PTPRN2: variants seen among roughly 807,000 people sequenced by gnomAD.
PTPRN2 encodes the protein receptor-type tyrosine-protein phosphatase N2.
PTPRN2 carries 74 observed loss-of-function variants against 118.8 expected under a neutral mutation model. That is an observed-to-expected ratio of 0.62 (90% CI 0.52 to 0.76). PTPRN2 has a LOEUF of 0.76. PTPRN2 is among the 30% of genes least tolerant of loss of function. The pLI, the probability that PTPRN2 is intolerant of heterozygous loss-of-function variation, is 0.00. For missense variants in PTPRN2, 1,481 were observed against 1,394.4 expected (o/e 1.06, Z -0.99); for synonymous variants, 641 against 608.0 (o/e 1.05, Z -0.80).
At chr7:158,098,919 G>C (rs2150340112) in intron 10 of PTPRN2, among the ~76,000 whole-genome samples, 1 of 151,930 alleles carries the variant, frequency 6.6e-6, no homozygotes, top group East Asian at 1.9e-4. Context: ...GGTCCTTGAG[G>C]GGAGCCGGGC....
At chr7:157,971,284 T>G (rs1802311018) in intron 11 of PTPRN2, among the ~76,000 whole-genome samples, 2 of 152,212 alleles carry the variant, frequency 1.3e-5, no homozygotes, top group Admixed American at 1.3e-4. Flanking sequence ...ATTTTTTTCT[T>G]ATCCATCACG....
At chr7:158,040,369 A>G (rs1808364930) in intron 11 of PTPRN2, among the ~76,000 whole-genome samples, 2 of 151,540 alleles carry the variant, frequency 1.3e-5, no homozygotes, top group African/African-American at 2.4e-5. Context: ...ACATGCACAC[A>G]CACACGTGCA....
chr7:158,042,993 C>T (rs1303908509), intron 11 of PTPRN2, among the ~76,000 whole-genome samples: 1 of 152,094 alleles, frequency 6.6e-6, no homozygotes, highest in Non-Finnish European at 1.5e-5. Context: ...CAGTGTGCAA[C>T]GCATCTGCCA....
rs910315247 is a variant in PTPRN2, at chr7:158,456,885, C to T, written c.163+32850G>A. 4.6e-4 allele frequency among the ~76,000 whole-genome samples: 70 copies of T among 152,150 alleles called. 2 individuals carry two copies. The highest frequency in any genetic ancestry group is 2.2e-4 in the Non-Finnish European group (15 of 68,030). ...CACCTCCTGGGCTCAATGATTCCCC[C>T]GCCTCCATCTCCCACAGCACCAGGA... On this transcript the variant is annotated intron_variant, in intron 2 of 22. Coordinates refer to ENST00000389418, the MANE Select transcript of PTPRN2 (RefSeq NM_002847.5).
At chr7:158,168,945 G>C (rs12698162) in intron 5 of PTPRN2, among the ~76,000 whole-genome samples, 8,157 of 152,244 alleles carry the variant, frequency 0.054, 316 homozygotes, top group Middle Eastern at 0.13. Context: ...TTCGAATCCT[G>C]GACACACAAG....
chr7:157,759,271 A>C (rs1284887789), intron 12 of PTPRN2, among the ~76,000 whole-genome samples: 4 of 152,192 alleles, frequency 2.6e-5, no homozygotes, highest in Non-Finnish European at 5.9e-5. Flanking sequence ...TCAATGCAGC[A>C]CCGTGTCCAC....
intron 11 of PTPRN2, among the ~76,000 whole-genome samples, chr7:158,040,568 A>C (rs907899069): frequency 1.3e-5 from 2 of 152,244 alleles, no homozygotes; most frequent in Non-Finnish European, 2.9e-5. Flanking sequence ...GGAAGAAGCG[A>C]GTAGAGAATG....
chr7:158,265,034 C>G (rs1797779730), intron 3 of PTPRN2, among the ~76,000 whole-genome samples: 1 of 152,168 alleles, frequency 6.6e-6, no homozygotes, highest in African/African-American at 2.4e-5. Context: ...CCCCACAGCC[C>G]CCAAGCCTGG....
intron 2 of PTPRN2, among the ~76,000 whole-genome samples, chr7:158,359,109 T>G (rs1397544802): frequency 6.6e-6 from 1 of 152,166 alleles, no homozygotes; most frequent in Non-Finnish European, 1.5e-5. Context: ...GCAGGCAGCA[T>G]CTGGGAGGCC....
intron 12 of PTPRN2, among the ~76,000 whole-genome samples, chr7:157,786,110 C>T (rs59430637): frequency 0.017 from 2,642 of 152,248 alleles, 77 homozygotes; most frequent in South Asian, 0.12. Context: ...GCTGGCTGAG[C>T]GCTTTTGCTG....
In PTPRN2 at chr7:158,005,862, A is replaced by G. The variant is rs371406566; in HGVS notation, c.1723+75436T>C. On this transcript the variant is annotated intron_variant, in intron 11 of 22. Transcript: ENST00000389418. ...CTGCGTCTAAAATGCACGTGTGTGC[A>G]AATGCGTGTCTCTAGTGCACTCAGA... Among the ~76,000 whole-genome samples the G allele has an allele frequency of 5.9e-5, 9 of 152,346 alleles. No homozygotes were observed. The South Asian group carries it at 1.9e-3, about 32-fold the overall frequency.
chr7:157,846,719 A>C (rs1355970345), intron 12 of PTPRN2, among the ~76,000 whole-genome samples: 4 of 151,668 alleles, frequency 2.6e-5, no homozygotes, highest in African/African-American at 7.3e-5. Context: ...TGCGTGCCCG[A>C]TATCTACAGA....
intron 2 of PTPRN2, among the ~76,000 whole-genome samples, chr7:158,364,164 T>C (rs566686509): frequency 0.012 from 1,131 of 96,112 alleles, no homozygotes; most frequent in African/African-American, 0.016. Context: ...CCTCACTTCA[T>C]CTGCCTCTCG....
chr7:158,510,261 G>A lies in PTPRN2; in HGVS notation c.113-20476C>T, dbSNP rs112825313. Among the ~76,000 whole-genome samples, 401 of 152,284 alleles carry A rather than the reference G, an allele frequency of 2.6e-3. 3 individuals are homozygous for A. The highest frequency in any genetic ancestry group is 9.1e-3 in the African/African-American group (378 of 41,550). On this transcript the variant is annotated intron_variant, in intron 1 of 22. Transcript: ENST00000389418. ...TCGGCTTCTCCCTCTTGGGTTCTGG[G>A]GGAGCCCCAATGACAGAACAACTTA...
At chr7:157,997,116 G>A (rs560496141) in intron 11 of PTPRN2, among the ~76,000 whole-genome samples, 1 of 152,366 alleles carries the variant, frequency 6.6e-6, no homozygotes, top group African/African-American at 2.4e-5. Context: ...CTCCCCAGGA[G>A]GACGGGGTTG....
intron 11 of PTPRN2, among the ~76,000 whole-genome samples, chr7:157,976,658 C>T (rs975398907): frequency 1.1e-4 from 17 of 151,860 alleles, no homozygotes; most frequent in African/African-American, 3.4e-4. Context: ...CTGCCTCCAG[C>T]GTCTGCCGAC....
At chr7:158,141,073 C>A (rs74559595) in intron 6 of PTPRN2, among the ~76,000 whole-genome samples, 1 of 152,112 alleles carries the variant, frequency 6.6e-6, no homozygotes, top group Non-Finnish European at 1.5e-5. Context: ...CCACCCTCCA[C>A]GCTAGAGGGG....
At chr7:158,430,789 C>T (rs1034122073) in intron 2 of PTPRN2, among the ~76,000 whole-genome samples, 5 of 152,214 alleles carry the variant, frequency 3.3e-5, no homozygotes, top group Non-Finnish European at 4.4e-5. Context: ...AGCTCACCCC[C>T]GCTATGAGAG....
chr7:157,772,327 A>C (rs1357911929), intron 12 of PTPRN2, among the ~76,000 whole-genome samples: 1 of 151,898 alleles, frequency 6.6e-6, no homozygotes, highest in African/African-American at 2.4e-5. Flanking sequence ...ACACAGACAC[A>C]CACATACACA....
Sources: gnomAD v4.1 joint callset for allele counts (sites outside exome capture counted in the v4.1 genomes callset) on GRCh38, gnomAD v4.1.1 for gene constraint, MANE v1.5 for transcripts, NCBI Gene and HGNC (gene_info 2026-07-23, HGNC 2026-07-21) for gene names.